Variants in DDAH1 observed in about 807,000 individuals in gnomAD.
DDAH1 encodes dimethylarginine dimethylaminohydrolase 1, also known as N(G),N(G)-dimethylarginine dimethylaminohydrolase 1.
Under a neutral mutation model 28.8 loss-of-function variants are expected in DDAH1, and 19 were observed. The ratio of observed to expected loss-of-function variants is 0.66; its 90% CI spans 0.46 to 0.97. DDAH1 has a LOEUF of 0.97. Ranked by LOEUF, DDAH1 falls within the 50% of genes least tolerant of loss-of-function variation. DDAH1 has a pLI of 0.00. For synonymous variants in DDAH1, 153 were observed against 154.4 expected (o/e 0.99, Z 0.07); for missense variants, 326 against 375.9 (o/e 0.87, Z 1.10).
At chr1:85,572,174 T>C (rs542316835) in intron 1 of DDAH1, among the ~76,000 whole-genome samples, 14 of 152,268 alleles carry the variant, frequency 9.2e-5, no homozygotes, top group African/African-American at 1.2e-4. Context: ...CCAGAGGAAA[T>C]AGAAACAAGC....
At chr1:85,536,368 C>T (rs1658277222) in intron 1 of DDAH1, among the ~76,000 whole-genome samples, 1 of 151,808 alleles carries the variant, frequency 6.6e-6, no homozygotes, top group South Asian at 2.1e-4. Context: ...TCCTGGCCAA[C>T]ATGGTGAAAC....
chr1:85,368,373 C>A, intron 1 of DDAH1, among the ~76,000 whole-genome samples: 1 of 152,170 alleles, frequency 6.6e-6, no homozygotes, highest in East Asian at 1.9e-4. Context: ...AGGAAAGACC[C>A]TTTTCATTAT....
intron 1 of DDAH1, among the ~76,000 whole-genome samples, chr1:85,540,622 T>C (rs1658443650): frequency 6.6e-6 from 1 of 152,148 alleles, no homozygotes; most frequent in South Asian, 2.1e-4. Context: ...ATCCCCACCA[T>C]AAAGCCCAGC....
chr1:85,437,939 A>G (rs557915408), intron 1 of DDAH1, among the ~76,000 whole-genome samples: 138 of 152,338 alleles, frequency 9.1e-4, no homozygotes, highest in Middle Eastern at 3.4e-3. Flanking sequence ...AATGCCCATC[A>G]ATGGTGAACT....
At chr1:85,474,153 C>T (rs981585113) in intron 2 of DDAH1, among the ~76,000 whole-genome samples, 3 of 152,158 alleles carry the variant, frequency 2.0e-5, no homozygotes, top group Admixed American at 2.0e-4. Context: ...ATGTTTTGAC[C>T]AATCAATCCC....
At chr1:85,347,077 C>T (rs1374442333) in intron 4 of DDAH1, among the ~76,000 whole-genome samples, 1 of 152,120 alleles carries the variant, frequency 6.6e-6, no homozygotes, top group Non-Finnish European at 1.5e-5. Flanking sequence ...TACCATCTCA[C>T]ACCAGTTAGA....
chr1:85,455,817 T>C (rs1323645337), intron 1 of DDAH1, among the ~76,000 whole-genome samples: 3 of 152,230 alleles, frequency 2.0e-5, no homozygotes, highest in Non-Finnish European at 4.4e-5. Context: ...AAATGTGCTA[T>C]AAATGGTTGA....
intron 1 of DDAH1, among the ~76,000 whole-genome samples, chr1:85,420,281 T>G (rs974809863): frequency 1.3e-5 from 2 of 152,252 alleles, no homozygotes; most frequent in Non-Finnish European, 2.9e-5. Context: ...GCCTTATTTT[T>G]AGTTATGCAA....
intron 1 of DDAH1, among the ~76,000 whole-genome samples, chr1:85,508,868 T>G (rs1398971909): frequency 6.6e-6 from 1 of 152,222 alleles, no homozygotes; most frequent in African/African-American, 2.4e-5. Context: ...CTACTGCCTC[T>G]AGACTCCACC....
In DDAH1 at chr1:85,391,980, TTATC is replaced by T. The variant is rs1208767110; in HGVS notation, c.304-33137_304-33134del. 2.2e-4 allele frequency among the ~76,000 whole-genome samples: 33 copies of T among 152,302 alleles called. 1 individual carries two copies. Among genetic ancestry groups the T allele is most frequent in the Middle Eastern group, 6.8e-3 (2 of 294 alleles). On this transcript the variant is annotated intron_variant, in intron 1 of 5. Coordinates refer to ENST00000284031, the MANE Select transcript of DDAH1 (RefSeq NM_012137.4). ...AGACACCAGAACTGTGATTTCTACTTTATCTATTTATTTTTTTTAATTTTTTTTT... is the reference window on the plus strand; with the variant it reads ...AGACACCAGAACTGTGATTTCTACTTTATTTATTTTTTTTAATTTTTTTTT...
intron 4 of DDAH1, among the ~76,000 whole-genome samples, chr1:85,332,825 C>A (rs1647858874): frequency 6.6e-6 from 1 of 152,214 alleles, no homozygotes; most frequent in African/African-American, 2.4e-5. Context: ...TGAGAATAGG[C>A]CTGCCCAGCC....
intron 1 of DDAH1, among the ~76,000 whole-genome samples, chr1:85,418,770 T>A (rs1652997433): frequency 1.3e-5 from 2 of 152,240 alleles, no homozygotes; most frequent in African/African-American, 4.8e-5. Context: ...CCCATCCATT[T>A]GAATTGGTTC....
Position 85,492,386 on chromosome 1 carries a change from G to A in DDAH1, c.-7+3780C>T, listed in dbSNP as rs1023458599. 2.0e-5 allele frequency among the ~76,000 whole-genome samples: 3 copies of A among 152,244 alleles called. 1 individual carries two copies. Among genetic ancestry groups the A allele is most frequent in the Admixed American group, 1.3e-4 (2 of 15,288 alleles). ...TACCCAAATTGCAGCATTAGAAACA[G>A]TAATAGAAAAAAATAAATGCAGAAT... On this transcript the variant is annotated intron_variant, in intron 2 of 6. Transcript: ENST00000426972.
chr1:85,382,506 C>T (rs1433680413), intron 1 of DDAH1, among the ~76,000 whole-genome samples: 2 of 152,158 alleles, frequency 1.3e-5, no homozygotes, highest in Non-Finnish European at 2.9e-5. Flanking sequence ...GATGTAGAAG[C>T]TGCAAGAAGT....
intron 4 of DDAH1, among the ~76,000 whole-genome samples, chr1:85,340,535 C>T (rs752518736): frequency 2.0e-5 from 3 of 152,154 alleles, no homozygotes; most frequent in South Asian, 2.1e-4. Context: ...CCATCAGTCA[C>T]GATGTTCTGT....
chr1:85,337,833 G>A (rs768680388), intron 4 of DDAH1, among the ~76,000 whole-genome samples: 2 of 152,116 alleles, frequency 1.3e-5, no homozygotes, highest in Non-Finnish European at 2.9e-5. Flanking sequence ...AAAGTCTCCT[G>A]ATGCAATTTC....
At chr1:85,518,382 C>T (rs1267554650) in intron 1 of DDAH1, among the ~76,000 whole-genome samples, 1 of 152,130 alleles carries the variant, frequency 6.6e-6, no homozygotes, top group African/African-American at 2.4e-5. Flanking sequence ...AGAGAAAATC[C>T]CTTTCCCTGC....
intron 1 of DDAH1, among the ~76,000 whole-genome samples, chr1:85,544,850 G>A (rs1011935748): frequency 2.6e-5 from 4 of 152,110 alleles, no homozygotes; most frequent in Non-Finnish European, 5.9e-5. Context: ...TGGCTCTAGA[G>A]GAGTCCCCTT....
chr1:85,577,906 T>C (rs1659658021), intron 1 of DDAH1: 1 of 932,842 alleles, frequency 1.1e-6, no homozygotes, highest in Non-Finnish European at 1.3e-6. Context: ...TATTTCCTCC[T>C]GGGGCACCCG....
Sources: gnomAD v4.1 joint callset for allele counts (sites outside exome capture counted in the v4.1 genomes callset) on GRCh38, gnomAD v4.1.1 for gene constraint, MANE v1.5 for transcripts, NCBI Gene and HGNC (gene_info 2026-07-23, HGNC 2026-07-21) for gene names.